CCDC150: variants seen among roughly 807,000 people sequenced by gnomAD.
CCDC150 encodes coiled-coil domain containing 150.
In CCDC150, 151 loss-of-function variants were observed where a neutral mutation model predicts 156.5. The ratio of observed to expected loss-of-function variants is 0.97; its 90% CI spans 0.85 to 1.10. The LOEUF is 1.10. CCDC150 is among the 50% of genes least tolerant of loss of function. The probability of loss-of-function intolerance (pLI) is 0.00; values close to 1 mark genes in which losing one functional copy is unlikely to be tolerated. For missense variants in CCDC150, 1,312 were observed against 1,268.1 expected (o/e 1.03, Z -0.53); for synonymous variants, 452 against 429.4 (o/e 1.05, Z -0.65).
chr2:196,645,341 A>G (rs1692473439), intron 1 of CCDC150, among the ~76,000 whole-genome samples: 1 of 152,020 alleles, frequency 6.6e-6, no homozygotes, highest in Non-Finnish European at 1.5e-5. Context: ...CATGAGGTGG[A>G]CCCCCCTTTC....
At chr2:196,731,040 A>T in intron 26 of CCDC150, 95 bp downstream of exon 26, 1 of 795,426 alleles carries the variant, frequency 1.3e-6, no homozygotes, top group South Asian at 1.9e-5. Context: ...TCATTAACGT[A>T]GTTGTCAGGA....
At chr2:196,700,018 T>C (rs1242310700) in intron 14 of CCDC150, among the ~76,000 whole-genome samples, 2 of 152,226 alleles carry the variant, frequency 1.3e-5, no homozygotes, top group African/African-American at 2.4e-5. Flanking sequence ...ATATCTCTTA[T>C]GTAAATTAAT....
intron 21 of CCDC150, among the ~76,000 whole-genome samples, chr2:196,724,988 C>T (rs1266416962): frequency 3.9e-5 from 6 of 152,096 alleles, no homozygotes; most frequent in Admixed American, 2.0e-4. Flanking sequence ...GCCTGGGGTA[C>T]TGGAGGGACA....
rs184353231 is a variant in CCDC150 at position 196,700,653 on chromosome 2, T to C, written c.1624-456T>C. On this transcript the variant is annotated intron_variant, in intron 14 of 27. Transcript: ENST00000389175. ...AATGAGTTTGAGTCTCCAATAAACA[T>C]TTATTTTGTTTTTGAGATTTTTCTA... Among the ~76,000 whole-genome samples the C allele has an allele frequency of 2.0e-4, 31 of 152,314 alleles. 1 individual carries two copies. The highest frequency in any genetic ancestry group is 1.8e-3 in the Admixed American group (28 of 15,288).
chr2:196,656,885 C>T, intron 3 of CCDC150, 32 bp downstream of exon 3: 1 of 1,610,744 alleles, frequency 6.2e-7, no homozygotes, highest in Non-Finnish European at 8.5e-7. Context: ...GAAATGTGGT[C>T]CTGTATAGGT....
intron 13 of CCDC150, among the ~76,000 whole-genome samples, chr2:196,685,460 C>A (rs188101405): frequency 0.011 from 1,602 of 152,240 alleles, 23 homozygotes; most frequent in Middle Eastern, 0.034. Flanking sequence ...GTCTGAAGAA[C>A]CACATTCTCA....
At chr2:196,649,717 A>G in intron 2 of CCDC150, among the ~76,000 whole-genome samples, 1 of 152,054 alleles carries the variant, frequency 6.6e-6, no homozygotes, top group East Asian at 1.9e-4. Flanking sequence ...CAGATCTTTC[A>G]CCTCCTTGGT....
chr2:196,701,251 A>C, intron 15 of CCDC150, 71 bp downstream of exon 15: 1 of 1,036,724 alleles, frequency 9.6e-7, no homozygotes, highest in Non-Finnish European at 1.4e-6. Context: ...AAATATTGCT[A>C]GATTTTGAGA....
At chr2:196,644,613 A>G (rs1692426390) in intron 1 of CCDC150, among the ~76,000 whole-genome samples, 1 of 152,108 alleles carries the variant, frequency 6.6e-6, no homozygotes, top group Non-Finnish European at 1.5e-5. Context: ...GTGTCCAGAG[A>G]CTGCATCAAT....
intron 1 of CCDC150, among the ~76,000 whole-genome samples, chr2:196,641,410 G>A (rs1200571945): frequency 6.6e-6 from 1 of 152,080 alleles, no homozygotes; most frequent in Non-Finnish European, 1.5e-5. Context: ...CTTTGCACTT[G>A]CTGTTTCCGT....
At chr2:196,692,131 T>C (rs1222851572) in intron 13 of CCDC150, among the ~76,000 whole-genome samples, 1 of 137,206 alleles carries the variant, frequency 7.3e-6, no homozygotes, top group African/African-American at 2.7e-5. Context: ...ATTTTTTTTT[T>C]TTTTTTTTTT....
intron 15 of CCDC150, among the ~76,000 whole-genome samples, chr2:196,703,831 C>T (rs1475212493): frequency 6.6e-6 from 1 of 152,176 alleles, no homozygotes; most frequent in Non-Finnish European, 1.5e-5. Flanking sequence ...TATCCAGATT[C>T]TGTGTAATCA....
intron 15 of CCDC150, among the ~76,000 whole-genome samples, chr2:196,709,302 T>C (rs528895100): frequency 5.9e-5 from 9 of 152,236 alleles, no homozygotes; most frequent in Non-Finnish European, 1.0e-4. Context: ...AATTGGCTAT[T>C]GAAGCTTGTG....
intron 2 of CCDC150, among the ~76,000 whole-genome samples, chr2:196,653,484 G>T (rs368703742): frequency 6.6e-6 from 1 of 152,152 alleles, no homozygotes; most frequent in African/African-American, 2.4e-5. Flanking sequence ...CTTTGCTAGG[G>T]TGTCACGTGA....
At position 196,695,099 on chromosome 2, in the gene CCDC150, G is replaced by A; in HGVS notation, c.1563G>A (p.Lys521=). ...HNLQTLEEEN[K]HLADQMASLE... ...TGCAGACTCTTGAAGAAGAGAATAAGCACCTGGCAGATCAAATGGCTTCCC... is the reference window on the plus strand; with the variant it reads ...TGCAGACTCTTGAAGAAGAGAATAAACACCTGGCAGATCAAATGGCTTCCC... The change falls in exon 14 of 28, where the codon AAG becomes AAA. Residue 521 remains lysine (K), a synonymous_variant. Transcript: ENST00000389175. 6.2e-7 allele frequency: 1 copy of A among 1,613,022 alleles called. No homozygotes were observed. Among genetic ancestry groups the A allele is most frequent in the Non-Finnish European group, 8.5e-7 (1 of 1,179,190 alleles).
In CCDC150 at chr2:196,656,976, T is replaced by C. The variant is rs1354593783; in HGVS notation, c.416T>C (p.Leu139Pro). The C allele has an allele frequency of 6.2e-7, 1 of 1,613,462 alleles. No homozygotes were observed. Among genetic ancestry groups the C allele is most frequent in the Non-Finnish European group, 8.5e-7 (1 of 1,179,718 alleles). ...PQKTAFLKDR[L>P]NAIQEEHSKD... ...CTGGTAGCTTTTCTGAAAGATCGACTGAATGCAATACAGGAAGAGCATTCT... is the reference window on the plus strand; with the variant it reads ...CTGGTAGCTTTTCTGAAAGATCGACCGAATGCAATACAGGAAGAGCATTCT... The change falls in exon 4 of 28, where the codon CTG (leucine) becomes CCG (proline). Residue 139 changes from leucine to proline, a missense_variant. By Grantham distance (98) the Leu-to-Pro change is moderately conservative. Coordinates refer to ENST00000389175, the MANE Select transcript of CCDC150 (RefSeq NM_001080539.2).
chr2:196,684,201 C>T (rs1402698813), intron 13 of CCDC150, among the ~76,000 whole-genome samples: 1 of 151,998 alleles, frequency 6.6e-6, no homozygotes, highest in African/African-American at 2.4e-5. Context: ...TATAAATTTC[C>T]CTCTCTGCAC....
intron 14 of CCDC150, 80 bp downstream of exon 14, chr2:196,695,239 G>A (rs547759041): frequency 4.4e-6 from 3 of 679,466 alleles, no homozygotes; most frequent in Non-Finnish European, 7.6e-6. Flanking sequence ...GTCAGGAGAT[G>A]GGTTTTCTTT....
At chr2:196,682,359 T>G (rs868607097) in intron 13 of CCDC150, among the ~76,000 whole-genome samples, 41 of 152,208 alleles carry the variant, frequency 2.7e-4, no homozygotes, top group African/African-American at 9.9e-4. Flanking sequence ...TGATTACTAT[T>G]GTTTTGTAGG....
Sources: allele counts gnomAD v4.1 joint callset (sites outside exome capture counted in the v4.1 genomes callset), GRCh38; gene constraint gnomAD v4.1.1; transcripts MANE v1.5; gene names NCBI Gene and HGNC (gene_info 2026-07-23, HGNC 2026-07-21).